Variants in KATNA1 observed in about 807,000 individuals in gnomAD.
The protein encoded by KATNA1 is katanin p60 ATPase-containing subunit A1.
In KATNA1, 42 loss-of-function variants were observed where a neutral mutation model predicts 62.6. The observed-to-expected ratio is 0.67, with a 90% confidence interval of 0.52 to 0.87. KATNA1 has a LOEUF of 0.87. KATNA1 is among the 40% of genes least tolerant of loss of function. The pLI is 0.00. For synonymous variants in KATNA1, 186 were observed against 201.9 expected (o/e 0.92, Z 0.67); for missense variants, 498 against 612.5 (o/e 0.81, Z 1.97).
Position 149,603,388 on chromosome 6 carries a change from ATTTT to A in KATNA1, c.624-19_624-16del. The A allele has an allele frequency of 1.5e-6, 2 of 1,292,686 alleles. No individual in the cohort carries two copies. The highest frequency in any genetic ancestry group is 2.2e-6 in the Non-Finnish European group (2 of 893,964). The allele number at this position is 1,292,686 out of a possible 1,614,324, so 80.1% of individuals were successfully genotyped here. ...CGATATCATCCCTGAAAGAGAAGAC[ATTTT>A]ATTAACAACCCTTTAGATGATACAT... is the stretch of plus-strand genomic sequence containing the variant. On this transcript the variant is annotated splice_polypyrimidine_tract_variant and intron_variant, in intron 5 of 10. Transcript: ENST00000367411.
chr6:149,627,940 G>A (rs1562295830), intron 3 of KATNA1, among the ~76,000 whole-genome samples: 2 of 151,938 alleles, frequency 1.3e-5, no homozygotes. Flanking sequence ...TGGGGAACCA[G>A]GTCTCATAGG....
rs73781288 is a variant in KATNA1 at position 149,621,974 on chromosome 6, C to G, written c.501+1129G>C. On this transcript the variant is annotated intron_variant, in intron 4 of 10. Coordinates refer to ENST00000367411, the MANE Select transcript of KATNA1 (RefSeq NM_007044.4). ...AACATGATAACTAAATTCGATGTGT[C>G]CTTCTACATTGTAATCTGACCTAGC... is the stretch of plus-strand genomic sequence containing the variant. Among the ~76,000 whole-genome samples, 553 of 152,186 alleles carry G rather than the reference C, an allele frequency of 3.6e-3. 3 individuals carry two copies. Among genetic ancestry groups the G allele is most frequent in the African/African-American group, 0.013 (526 of 41,500 alleles).
intron 1 of KATNA1, among the ~76,000 whole-genome samples, chr6:149,644,078 C>G (rs1780390465): frequency 6.6e-6 from 1 of 152,084 alleles, no homozygotes; most frequent in Non-Finnish European, 1.5e-5. Context: ...CTCATCCCTT[C>G]CAAGCTGGGA....
At chr6:149,627,311 T>C (rs958143940) in intron 3 of KATNA1, among the ~76,000 whole-genome samples, 4 of 151,524 alleles carry the variant, frequency 2.6e-5, no homozygotes, top group Admixed American at 6.6e-5. Context: ...GGTGGATCAC[T>C]TGAGGTCAGG....
chr6:149,603,356 A>C lies in KATNA1; in HGVS notation c.641T>G (p.Leu214Ter), dbSNP rs764097825. Residue 214 changes from leucine (L) to a stop codon, truncating the protein, a stop_gained, in exon 6 of 11, where the codon TTA (leucine) becomes TGA (stop). Transcript: ENST00000367411. LOFTEE classifies it high-confidence loss of function. Reference sequence around the variant, plus strand: ...CTTAAGCAACTTTTTAGCTTCTACTAAATCAGCGATATCATCCCTGAAAGA... The same window carrying C: ...CTTAAGCAACTTTTTAGCTTCTACTCAATCAGCGATATCATCCCTGAAAGA... ...PNVRWDDIAD[L>*]VEAKKLLKEA... 6.4e-7 allele frequency: 1 copy of C among 1,570,312 alleles called. No homozygotes were observed. Among genetic ancestry groups the C allele is most frequent in the South Asian group, 1.1e-5 (1 of 88,750 alleles).
intron 4 of KATNA1, among the ~76,000 whole-genome samples, chr6:149,610,240 G>A (rs573115914): frequency 3.5e-4 from 53 of 149,912 alleles, no homozygotes; most frequent in African/African-American, 1.3e-3. Context: ...GTTCAAGGTT[G>A]CATTGAGCTA....
At chr6:149,626,916 G>A (rs180926034) in intron 3 of KATNA1, among the ~76,000 whole-genome samples, 3 of 151,832 alleles carry the variant, frequency 2.0e-5, no homozygotes, top group Non-Finnish European at 2.9e-5. Flanking sequence ...CCCGGGAGGC[G>A]GAGGTTGCAG....
chr6:149,613,200 A>AAAAAAAAAAAAAAAAAAAAAAAAAAAG (rs1308694424), intron 4 of KATNA1, among the ~76,000 whole-genome samples: 1 of 142,268 alleles, frequency 7.0e-6, no homozygotes, highest in South Asian at 2.3e-4. Context: ...AAAAAAAAAA[A>AAAAAAAAAAAAAAAAAAAAAAAAAAAG]AAAAAAAAAA....
At chr6:149,631,234 C>T (rs1319032285) in intron 3 of KATNA1, among the ~76,000 whole-genome samples, 1 of 152,010 alleles carries the variant, frequency 6.6e-6, no homozygotes, top group Non-Finnish European at 1.5e-5. Flanking sequence ...CCTGTCTCTA[C>T]TAAAAATACA....
intron 4 of KATNA1, among the ~76,000 whole-genome samples, chr6:149,605,765 A>C (rs190411766): frequency 6.6e-4 from 100 of 151,956 alleles, no homozygotes; most frequent in African/African-American, 2.4e-3. Flanking sequence ...TGCTTTATTT[A>C]TTTATTTATT....
At chr6:149,625,119 G>C (rs1283442989) in intron 3 of KATNA1, among the ~76,000 whole-genome samples, 1 of 152,118 alleles carries the variant, frequency 6.6e-6, no homozygotes, top group Non-Finnish European at 1.5e-5. Context: ...GTCCATAGAA[G>C]ATATGAATAC....
intron 3 of KATNA1, among the ~76,000 whole-genome samples, chr6:149,624,568 C>T (rs929492086): frequency 1.3e-5 from 2 of 151,954 alleles, no homozygotes; most frequent in Non-Finnish European, 2.9e-5. Context: ...TTTGTAGAGA[C>T]AAGGTCTCAC....
chr6:149,621,080 C>T (rs1341209467), intron 4 of KATNA1, among the ~76,000 whole-genome samples: 2 of 151,644 alleles, frequency 1.3e-5, no homozygotes, highest in Non-Finnish European at 2.9e-5. Context: ...CCAAGCGATC[C>T]AACTTATCAC....
intron 4 of KATNA1, among the ~76,000 whole-genome samples, chr6:149,610,696 G>A (rs570399272): frequency 1.3e-5 from 2 of 152,300 alleles, no homozygotes; most frequent in South Asian, 4.1e-4. Flanking sequence ...CTGGGACACA[G>A]TTAAAGCAGT....
chr6:149,630,129 CTA>C (rs899875173), intron 3 of KATNA1, among the ~76,000 whole-genome samples: 2 of 152,186 alleles, frequency 1.3e-5, no homozygotes, highest in African/African-American at 2.4e-5. Flanking sequence ...GCTAGGATGA[CTA>C]TGTGATTTTC....
intron 4 of KATNA1, among the ~76,000 whole-genome samples, chr6:149,618,366 T>C (rs1327308856): frequency 6.6e-6 from 1 of 151,678 alleles, no homozygotes; most frequent in African/African-American, 2.4e-5. Context: ...TAACTCCAGC[T>C]ACTCAGGAGG....
intron 4 of KATNA1, among the ~76,000 whole-genome samples, chr6:149,606,993 C>T (rs1410160994): frequency 6.6e-6 from 1 of 152,144 alleles, no homozygotes. Context: ...TACTCATTTA[C>T]AGATATTTAA....
chr6:149,624,198 AT>A (rs1378761758), intron 3 of KATNA1, among the ~76,000 whole-genome samples: 1 of 152,176 alleles, frequency 6.6e-6, no homozygotes, highest in Non-Finnish European at 1.5e-5. Flanking sequence ...TTTGAGTGTC[AT>A]GTTGGTGCTC....
intron 4 of KATNA1, among the ~76,000 whole-genome samples, chr6:149,605,944 G>A (rs182051554): frequency 6.6e-6 from 1 of 152,156 alleles, no homozygotes; most frequent in African/African-American, 2.4e-5. Context: ...ATTTTTAGTG[G>A]AGATGGGGTT....
Sources: gnomAD v4.1 joint callset for allele counts (sites outside exome capture counted in the v4.1 genomes callset) on GRCh38, gnomAD v4.1.1 for gene constraint, MANE v1.5 for transcripts, NCBI Gene and HGNC (gene_info 2026-07-23, HGNC 2026-07-21) for gene names.